Variants in RAB38 observed in about 807,000 individuals in gnomAD.
RAB38 encodes RAB38, member RAS oncogene family.
RAB38 carries 15 observed loss-of-function variants against 18.4 expected under a neutral mutation model. The ratio of observed to expected loss-of-function variants is 0.82; its 90% CI spans 0.55 to 1.26. The LOEUF is 1.26. Among genes scored for constraint, RAB38 ranks in the 50% most tolerant of loss-of-function variants. The pLI is 0.00. For synonymous variants in RAB38, 101 were observed against 104.4 expected (o/e 0.97, Z 0.20); for missense variants, 294 against 267.4 (o/e 1.10, Z -0.69).
chr11:88,006,846 G>A, the RAB38 span, among the ~76,000 whole-genome samples: 14 of 151,288 alleles, frequency 9.3e-5, no homozygotes, highest in African/African-American at 2.9e-4. Context: ...CAGAGGATGG[G>A]GAGGGTTAGG....
At chr11:88,136,846 T>C (rs1942842130) in intron 2 of RAB38, among the ~76,000 whole-genome samples, 1 of 152,198 alleles carries the variant, frequency 6.6e-6, no homozygotes, top group African/African-American at 2.4e-5. Flanking sequence ...AATGGGGACA[T>C]CAACCCTGTC....
chr11:88,078,501 A>ATATATGTGTGTGTGTG, the RAB38 span, among the ~76,000 whole-genome samples: 3 of 148,682 alleles, frequency 2.0e-5, no homozygotes, highest in Admixed American at 6.7e-5. Flanking sequence ...GTGTGTATAT[A>ATATATGTGTGTGTGTG]TGTGTGTGTG....
At chr11:88,157,918 A>C (rs955999237) in intron 1 of RAB38, among the ~76,000 whole-genome samples, 1 of 152,082 alleles carries the variant, frequency 6.6e-6, no homozygotes, top group African/African-American at 2.4e-5. Context: ...GAACAAAAAA[A>C]CACTAAAATC....
At chr11:87,859,708 T>C in the RAB38 span, among the ~76,000 whole-genome samples, 1 of 152,072 alleles carries the variant, frequency 6.6e-6, no homozygotes, top group Non-Finnish European at 1.5e-5. Flanking sequence ...AGCTAGTTCT[T>C]GTTGGCATCA....
chr11:87,817,307 A>AT, the RAB38 span: 1 of 152,140 alleles, frequency 6.6e-6, no homozygotes, highest in African/African-American at 2.4e-5. Context: ...GTAAATGATA[A>AT]TTTTCAATGT....
chr11:88,065,909 C>T, the RAB38 span, among the ~76,000 whole-genome samples: 49 of 152,262 alleles, frequency 3.2e-4, no homozygotes, highest in Admixed American at 5.2e-4. Context: ...TGAATTTGTA[C>T]GGGCTTTTCG....
At chr11:87,964,300 C>A in the RAB38 span, among the ~76,000 whole-genome samples, 1 of 152,014 alleles carries the variant, frequency 6.6e-6, no homozygotes, top group Non-Finnish European at 1.5e-5. Context: ...GAAGGAACTC[C>A]AGTGTGATAT....
intron 2 of RAB38, among the ~76,000 whole-genome samples, chr11:88,128,682 A>G (rs1016394997): frequency 5.3e-5 from 8 of 152,214 alleles, no homozygotes; most frequent in South Asian, 2.1e-4. Context: ...TTTTGCCACT[A>G]AAGAGAAAAG....
chr11:88,155,795 G>GA (rs1204631025), intron 1 of RAB38, among the ~76,000 whole-genome samples: 2 of 152,162 alleles, frequency 1.3e-5, no homozygotes, highest in Non-Finnish European at 2.9e-5. Flanking sequence ...AAGCAGTCCA[G>GA]AAAATGAAGG....
At chr11:88,127,311 G>A (rs771836047) in intron 2 of RAB38, among the ~76,000 whole-genome samples, 3 of 152,144 alleles carry the variant, frequency 2.0e-5, no homozygotes, top group Non-Finnish European at 4.4e-5. Context: ...TGGAAATAAG[G>A]CAGATTCAAG....
chr11:87,948,235 A>C, the RAB38 span, among the ~76,000 whole-genome samples: 1 of 152,170 alleles, frequency 6.6e-6, no homozygotes. Flanking sequence ...TGATTTTTGC[A>C]CATTGATTTT....
intron 1 of RAB38, among the ~76,000 whole-genome samples, chr11:88,151,973 G>T (rs1440450804): frequency 2.0e-5 from 3 of 152,320 alleles, no homozygotes; most frequent in Middle Eastern, 6.8e-3. Flanking sequence ...TCCCACAGTT[G>T]CCTAGTCAAC....
the RAB38 span, among the ~76,000 whole-genome samples, chr11:88,085,003 G>A: frequency 6.6e-6 from 1 of 151,832 alleles, no homozygotes; most frequent in Non-Finnish European, 1.5e-5. Context: ...TGCCCAAAAT[G>A]GGTAATTCGA....
chr11:87,813,611 T>A, the RAB38 span, among the ~76,000 whole-genome samples: 1 of 152,132 alleles, frequency 6.6e-6, no homozygotes, highest in South Asian at 2.1e-4. Context: ...AGTTTAGGAC[T>A]AAGCATAGTG....
At chr11:88,157,980 T>C (rs995565052) in intron 1 of RAB38, among the ~76,000 whole-genome samples, 2 of 151,876 alleles carry the variant, frequency 1.3e-5, no homozygotes, top group Non-Finnish European at 2.9e-5. Flanking sequence ...AAAGTATCAA[T>C]GAAAGCAAAT....
chr11:88,133,595 G>T (rs910864943), intron 2 of RAB38, among the ~76,000 whole-genome samples: 4 of 152,144 alleles, frequency 2.6e-5, no homozygotes, highest in African/African-American at 7.2e-5. Context: ...ATACACTGTT[G>T]ACAGAATAGA....
the RAB38 span, among the ~76,000 whole-genome samples, chr11:87,916,791 C>G: frequency 6.6e-6 from 1 of 152,134 alleles, no homozygotes; most frequent in Middle Eastern, 3.4e-3. Context: ...TTGTTGTTTT[C>G]AAAATCCAGT....
the RAB38 span, among the ~76,000 whole-genome samples, chr11:88,101,174 A>T: frequency 2.6e-5 from 4 of 152,090 alleles, no homozygotes; most frequent in African/African-American, 9.6e-5. Context: ...GATGGTCATA[A>T]ATTGCTGTGC....
At chr11:87,950,648 T>C in the RAB38 span, among the ~76,000 whole-genome samples, 1 of 152,162 alleles carries the variant, frequency 6.6e-6, no homozygotes, top group Admixed American at 6.5e-5. Context: ...GTTATGAAGC[T>C]TAGTTTGGCT....
Sources: allele counts gnomAD v4.1 joint callset (sites outside exome capture counted in the v4.1 genomes callset), GRCh38; gene constraint gnomAD v4.1.1; transcripts MANE v1.5; gene names NCBI Gene and HGNC (gene_info 2026-07-23, HGNC 2026-07-21).